Variants in LARGE1 observed in about 807,000 individuals in gnomAD.
The protein encoded by LARGE1 is xylosyl- and glucuronyltransferase LARGE1.
Under a neutral mutation model 87.6 loss-of-function variants are expected in LARGE1, and 43 were observed. The ratio of observed to expected loss-of-function variants is 0.49; its 90% CI spans 0.38 to 0.63. The LOEUF (loss-of-function observed/expected upper bound fraction) is 0.63, where lower values mean the gene tolerates loss of function less well. LARGE1 is among the 30% of genes least tolerant of loss of function. LARGE1 has a pLI of 0.00. For missense variants in LARGE1, 802 were observed against 1,000.2 expected, an observed-to-expected ratio of 0.80 and a Z score of 2.67; for synonymous variants, 434 against 394.6, an observed-to-expected ratio of 1.10 and a Z score of -1.18.
intron 2 of LARGE1, among the ~76,000 whole-genome samples, chr22:33,722,080 C>T (rs538504567): frequency 6.6e-5 from 10 of 152,074 alleles, no homozygotes; most frequent in South Asian, 2.1e-4. Flanking sequence ...GGTGAAACCC[C>T]GTCTCTACTA....
intron 9 of LARGE1, among the ~76,000 whole-genome samples, chr22:33,365,823 C>T (rs1003033856): frequency 2.6e-5 from 4 of 152,086 alleles, no homozygotes; most frequent in Admixed American, 6.5e-5. Context: ...CACATGTTGG[C>T]CAGGCTGGTA....
the LARGE1 span, among the ~76,000 whole-genome samples, chr22:33,100,349 C>CAAAAAAA: frequency 3.1e-5 from 2 of 65,302 alleles, no homozygotes; most frequent in Non-Finnish European, 5.5e-5. Context: ...GACTCCATCT[C>CAAAAAAA]AAAAAAAAAA....
At chr22:33,694,714 G>C (rs529440444) in intron 2 of LARGE1, among the ~76,000 whole-genome samples, 46 of 152,196 alleles carry the variant, frequency 3.0e-4, no homozygotes, top group Non-Finnish European at 5.1e-4. Context: ...GGTGTGGAGA[G>C]ACAGGAGGGG....
chr22:33,829,905 C>T (rs1256688145), intron 1 of LARGE1, among the ~76,000 whole-genome samples: 1 of 152,170 alleles, frequency 6.6e-6, no homozygotes, highest in African/African-American at 2.4e-5. Context: ...GAAGAAACCA[C>T]CATTCCCTAC....
intron 6 of LARGE1, among the ~76,000 whole-genome samples, chr22:33,454,527 G>A (rs965370986): frequency 6.6e-6 from 1 of 151,788 alleles, no homozygotes; most frequent in African/African-American, 2.4e-5. Context: ...GCTAAGGCAG[G>A]GGAATTGCTT....
At chr22:33,746,832 T>C (rs1382160310) in intron 2 of LARGE1, among the ~76,000 whole-genome samples, 2 of 152,166 alleles carry the variant, frequency 1.3e-5, no homozygotes, top group Non-Finnish European at 2.9e-5. Flanking sequence ...ATCCAAGTCC[T>C]GGAGCCCAGG....
At chr22:33,112,931 G>T in the LARGE1 span, among the ~76,000 whole-genome samples, 1 of 152,178 alleles carries the variant, frequency 6.6e-6, no homozygotes, top group Non-Finnish European at 1.5e-5. Flanking sequence ...AGGAGGGCAG[G>T]TGTTAAAATT....
intron 6 of LARGE1, among the ~76,000 whole-genome samples, chr22:33,461,403 T>C (rs2068377005): frequency 6.6e-6 from 1 of 152,114 alleles, no homozygotes; most frequent in African/African-American, 2.4e-5. Flanking sequence ...TCATTTCTAA[T>C]AAATAGAATG....
At chr22:33,653,801 G>A (rs1487693468) in intron 2 of LARGE1, among the ~76,000 whole-genome samples, 2 of 152,104 alleles carry the variant, frequency 1.3e-5, no homozygotes, top group East Asian at 3.9e-4. Flanking sequence ...TGTGTTGTAT[G>A]GGGGAACAAG....
intron 12 of LARGE1, among the ~76,000 whole-genome samples, chr22:33,293,573 CTTCT>C (rs1569021878): frequency 6.6e-6 from 1 of 152,082 alleles, no homozygotes; most frequent in Non-Finnish European, 1.5e-5. Flanking sequence ...GAAAAATGAA[CTTCT>C]TTGAGTTCAT....
intron 2 of LARGE1, among the ~76,000 whole-genome samples, chr22:33,658,132 G>C (rs1051700270): frequency 5.3e-5 from 8 of 152,070 alleles, no homozygotes; most frequent in Non-Finnish European, 1.2e-4. Context: ...TGTTGTTTCT[G>C]CTTCATTCCC....
the LARGE1 span, among the ~76,000 whole-genome samples, chr22:33,148,079 G>A: frequency 2.0e-5 from 3 of 152,126 alleles, no homozygotes; most frequent in East Asian, 5.8e-4. Context: ...CCTCTTCAAG[G>A]GATGAGTTTG....
At chr22:33,716,229 A>AT (rs1403601798) in intron 2 of LARGE1, among the ~76,000 whole-genome samples, 1 of 152,172 alleles carries the variant, frequency 6.6e-6, no homozygotes, top group Non-Finnish European at 1.5e-5. Context: ...ATGATAATAA[A>AT]TTTTTTGCAT....
intron 1 of LARGE1, among the ~76,000 whole-genome samples, chr22:33,887,421 C>T (rs969008821): frequency 6.6e-6 from 1 of 152,120 alleles, no homozygotes; most frequent in African/African-American, 2.4e-5. Context: ...TCTAGCACTG[C>T]GAGACCTAAA....
intron 1 of LARGE1, among the ~76,000 whole-genome samples, chr22:33,793,235 C>G (rs911500762): frequency 6.6e-6 from 1 of 152,152 alleles, no homozygotes; most frequent in African/African-American, 2.4e-5. Flanking sequence ...CACCCTGGAT[C>G]ACAACGGGGC....
chr22:33,316,447 C>CAGATGCCTGGGGACCGGCTGTGGTG (rs1402970277), intron 10 of LARGE1, among the ~76,000 whole-genome samples, 199 bp from the exon 11 acceptor site: 1 of 152,216 alleles, frequency 6.6e-6, no homozygotes, highest in Non-Finnish European at 1.5e-5. Context: ...TGGTAAAAAT[C>CAGATGCCTGGGGACCGGCTGTGGTG]AGATGCCTGG....
intron 2 of LARGE1, among the ~76,000 whole-genome samples, chr22:33,710,474 A>T (rs917566700): frequency 6.6e-6 from 1 of 152,256 alleles, no homozygotes; most frequent in Non-Finnish European, 1.5e-5. Context: ...CAGAAGCCAT[A>T]CTGTGTGTCA....
chr22:33,232,707 G>T (rs1926067330), intron 11 of LARGE1, among the ~76,000 whole-genome samples: 1 of 152,164 alleles, frequency 6.6e-6, no homozygotes, highest in Non-Finnish European at 1.5e-5. Context: ...GAAATGCAAA[G>T]CAGTAAAGAG....
At chr22:33,843,747 G>GT (rs2063348977) in intron 1 of LARGE1, among the ~76,000 whole-genome samples, 1 of 152,044 alleles carries the variant, frequency 6.6e-6, no homozygotes. Flanking sequence ...CAAAATGGCC[G>GT]TAAGAGAATA....
Sources: gnomAD v4.1 joint callset for allele counts (sites outside exome capture counted in the v4.1 genomes callset) on GRCh38, gnomAD v4.1.1 for gene constraint, MANE v1.5 for transcripts, NCBI Gene and HGNC (gene_info 2026-07-23, HGNC 2026-07-21) for gene names.